The following DNMT3A variants were observed in gnomAD, a reference collection of about 807,000 sequenced individuals.
DNMT3A encodes DNA methyltransferase 3 alpha.
DNMT3A carries 267 observed loss-of-function variants against 117.6 expected under a neutral mutation model. The observed-to-expected ratio is 2.27, with a 90% CI of 2.05 to 2.51. The LOEUF is 2.51. DNMT3A is among the 30% of genes most tolerant of loss of function. The pLI is 0.00. For missense variants in DNMT3A, 1,029 were observed against 1,260.2 expected (o/e 0.82, Z 2.78); for synonymous variants, 432 against 474.8 (o/e 0.91, Z 1.17).
intron 1 of DNMT3A, among the ~76,000 whole-genome samples, chr2:25,340,684 G>A (rs1262266850): frequency 6.6e-6 from 1 of 152,100 alleles, no homozygotes; most frequent in Non-Finnish European, 1.5e-5. Context: ...CTGTGCAGAT[G>A]CGAAGCTTTC....
At position 25,314,169 on chromosome 2, in the gene DNMT3A, G is replaced by T; in HGVS notation, c.-177-8C>A. The T allele has an allele frequency of 7.0e-7, 1 of 1,421,910 alleles. No individual in the cohort carries two copies. The highest frequency in any genetic ancestry group is 9.2e-7 in the Non-Finnish European group (1 of 1,091,632). The allele number at this position is 1,421,910 out of a possible 1,614,324, so 88.1% of individuals were successfully genotyped here. A position where few individuals can be genotyped will look rare whatever the true frequency, so the allele number is the denominator to read the frequency against. On this transcript the variant is annotated splice_polypyrimidine_tract_variant and splice_region_variant and intron_variant, in intron 1 of 22. Coordinates refer to ENST00000321117, the MANE Select transcript of DNMT3A (RefSeq NM_022552.5). ...GGGCTTCGATGGCTCCACCTGTGGG[G>T]GAGAGAAGAGGATCAGTGGGGCGGA... is the stretch of plus-strand genomic sequence containing the variant.
Position 25,303,599 on chromosome 2 carries a change from C to G in DNMT3A, c.73-3356G>C, listed in dbSNP as rs552675840. ...GGTGCAAGGAGCTTTACGGCTGGCCCAGCATTCAGGCCCCGCATGCTTCTG... is the reference window on the plus strand; with the variant it reads ...GGTGCAAGGAGCTTTACGGCTGGCCGAGCATTCAGGCCCCGCATGCTTCTG... On this transcript the variant is annotated intron_variant, in intron 2 of 22. Transcript: ENST00000321117. Among the ~76,000 whole-genome samples, 21 of 152,348 alleles carry G rather than the reference C, an allele frequency of 1.4e-4. No homozygotes were observed. The East Asian group carries it at 4.0e-3, about 29-fold the overall frequency.
Position 25,254,474 on chromosome 2 carries a change from G to A in DNMT3A, c.640-6222C>T, listed in dbSNP as rs1011474395. On this transcript the variant is annotated intron_variant, in intron 6 of 22. Transcript: ENST00000321117. The surrounding 1 kb of genome is among the most constrained non-coding windows in gnomAD (Gnocchi z 4.7). ...ATACAGCTAGGAAAAGAAGCTATTC[G>A]AAAAACAAGCAAACAAACAAAAACA... Among the ~76,000 whole-genome samples, 2 of 152,054 alleles carry A rather than the reference G, an allele frequency of 1.3e-5. No individual in the cohort carries two copies. Among genetic ancestry groups the A allele is most frequent in the African/African-American group, 2.4e-5 (1 of 41,380 alleles).
intron 6 of DNMT3A, among the ~76,000 whole-genome samples, chr2:25,273,396 G>T (rs1216667777): frequency 6.6e-6 from 1 of 152,066 alleles, no homozygotes; most frequent in Non-Finnish European, 1.5e-5. Context: ...ACCGCGCCTG[G>T]CCTCTGTTCT....
At chr2:25,324,028 A>G (rs937525929) in intron 1 of DNMT3A, among the ~76,000 whole-genome samples, 22 of 152,124 alleles carry the variant, frequency 1.4e-4, no homozygotes, top group African/African-American at 5.1e-4. Context: ...GCAGATCTAT[A>G]TTAACTTTGG....
At position 25,254,446 on chromosome 2, in the gene DNMT3A, T is replaced by A. The variant is rs1573363785; in HGVS notation, c.640-6194A>T. Among the ~76,000 whole-genome samples the A allele has an allele frequency of 6.6e-6, 1 of 151,878 alleles. No individual in the cohort carries two copies. Among genetic ancestry groups the A allele is most frequent in the Non-Finnish European group, 1.5e-5 (1 of 67,982 alleles). ...TCCCCCCCAACCCTGAGACCCAGAA[T>A]CCATACAGCTAGGAAAAGAAGCTAT... On this transcript the variant is annotated intron_variant, in intron 6 of 22. Coordinates refer to ENST00000321117, the MANE Select transcript of DNMT3A (RefSeq NM_022552.5). This position sits in a 1 kb window ranked among gnomAD's most constrained non-coding sequence, Gnocchi z 4.7.
At chr2:25,312,356 G>C (rs2034168136) in intron 2 of DNMT3A, among the ~76,000 whole-genome samples, 1 of 152,222 alleles carries the variant, frequency 6.6e-6, no homozygotes, top group Admixed American at 6.5e-5. Flanking sequence ...CAGAAGGGAG[G>C]AGCCTGATCG....
intron 3 of DNMT3A, 57 bp downstream of exon 3, chr2:25,300,082 C>A: frequency 6.4e-7 from 1 of 1,566,546 alleles, no homozygotes. Context: ...CATCGACAGG[C>A]CAGGCACGTG....
rs141585891 is a variant in DNMT3A at position 25,296,523 on chromosome 2, G to A, written c.177+3616C>T. Among the ~76,000 whole-genome samples, 2 of 152,326 alleles carry A rather than the reference G, an allele frequency of 1.3e-5. No individual in the cohort carries two copies. The highest frequency in any genetic ancestry group is 2.4e-5 in the African/African-American group (1 of 41,578). ...TCCCGGGGGGTTCCTGAAGAAGGAC[G>A]TGCCGGTGCTACATTTACTGTGATT... On this transcript the variant is annotated intron_variant, in intron 3 of 22. Coordinates refer to ENST00000321117, the MANE Select transcript of DNMT3A (RefSeq NM_022552.5). The surrounding 1 kb of genome is among the most constrained non-coding windows in gnomAD (Gnocchi z 4.2).
At chr2:25,335,114 C>A (rs1573513584) in intron 1 of DNMT3A, among the ~76,000 whole-genome samples, 1 of 152,044 alleles carries the variant, frequency 6.6e-6, no homozygotes, top group African/African-American at 2.4e-5. Flanking sequence ...AAGAATTTCA[C>A]AAAACTGAGA....
In DNMT3A at chr2:25,305,264, C is replaced by A. The variant is rs1306531513; in HGVS notation, c.73-5021G>T. On this transcript the variant is annotated intron_variant, in intron 2 of 22. Transcript: ENST00000321117. The surrounding 1 kb of genome is among the most constrained non-coding windows in gnomAD (Gnocchi z 4.1). ...CATAATTGTCACTTTGCATTTATGTCATTCTTTGCAGCTTTCAAAGCACCT... is the reference window on the plus strand; with the variant it reads ...CATAATTGTCACTTTGCATTTATGTAATTCTTTGCAGCTTTCAAAGCACCT... Among the ~76,000 whole-genome samples, 1 of 152,218 alleles carries A rather than the reference C, an allele frequency of 6.6e-6. No homozygotes were observed. The highest frequency in any genetic ancestry group is 1.5e-5 in the Non-Finnish European group (1 of 68,044).
chr2:25,265,541 G>A (rs1336412814), intron 6 of DNMT3A, among the ~76,000 whole-genome samples: 6 of 152,172 alleles, frequency 3.9e-5, no homozygotes, highest in East Asian at 1.9e-4. Flanking sequence ...ACTTCTGGCC[G>A]GGCGCGGTGG....
chr2:25,336,380 G>A (rs927354384), intron 1 of DNMT3A, among the ~76,000 whole-genome samples: 5 of 152,110 alleles, frequency 3.3e-5, no homozygotes, highest in African/African-American at 4.8e-5. Context: ...GGGACATGGA[G>A]ACCTCTGGGA....
intron 14 of DNMT3A, 65 bp downstream of exon 14, chr2:25,244,475 A>AGGCGGTG: frequency 6.5e-7 from 1 of 1,540,700 alleles, no homozygotes; most frequent in South Asian, 1.1e-5. Context: ...AGAGGAGGGG[A>AGGCGGTG]GGCGGTGGGC....
At position 25,327,268 on chromosome 2, in the gene DNMT3A, GGTTTCT is replaced by G. The variant is rs2034823351; in HGVS notation, c.-177-13113_-177-13108del. On this transcript the variant is annotated intron_variant, in intron 1 of 22. Transcript: ENST00000321117. This position sits in a 1 kb window ranked among gnomAD's most constrained non-coding sequence, Gnocchi z 4.1. ...ACTTTCCTTGTTCCAATCACCATGT[GGTTTCT>G]GTCTTCTGAATGGACCCTGACTGAT... 6.6e-6 allele frequency among the ~76,000 whole-genome samples: 1 copy of G among 152,164 alleles called. No individual in the cohort carries two copies. Among genetic ancestry groups the G allele is most frequent in the Non-Finnish European group, 1.5e-5 (1 of 68,036 alleles).
At chr2:25,324,790 TCCAGTGAGATGG>T (rs910416713) in intron 1 of DNMT3A, among the ~76,000 whole-genome samples, 1 of 152,138 alleles carries the variant, frequency 6.6e-6, no homozygotes, top group African/African-American at 2.4e-5. Flanking sequence ...GGTGCCATTT[TCCAGTGAGATGG>T]CCATCACCAT....
At chr2:25,250,198 A>G (rs1006186831) in intron 6 of DNMT3A, among the ~76,000 whole-genome samples, 1 of 152,250 alleles carries the variant, frequency 6.6e-6, no homozygotes, top group African/African-American at 2.4e-5. Context: ...CAAGGGTCCC[A>G]GGTTAAGAAC....
At chr2:25,264,767 G>T (rs924900502) in intron 6 of DNMT3A, among the ~76,000 whole-genome samples, 4 of 152,196 alleles carry the variant, frequency 2.6e-5, no homozygotes, top group Admixed American at 2.6e-4. Flanking sequence ...CGGCCAAAAA[G>T]AGTTTTTATA....
At chr2:25,271,413 C>T (rs566062268) in intron 6 of DNMT3A, among the ~76,000 whole-genome samples, 3 of 152,340 alleles carry the variant, frequency 2.0e-5, no homozygotes, top group South Asian at 2.1e-4. Flanking sequence ...AGTCTGAGGG[C>T]GACTTGGGAA....
Sources: gnomAD v4.1 joint callset for allele counts (sites outside exome capture counted in the v4.1 genomes callset) on GRCh38, gnomAD v4.1.1 for gene constraint, Gnocchi (gnomAD v3.1) non-coding constraint, MANE v1.5 for transcripts, NCBI Gene and HGNC (gene_info 2026-07-23, HGNC 2026-07-21) for gene names.